The following PIBF1 variants were observed in gnomAD, a reference collection of about 807,000 sequenced individuals.
PIBF1 encodes the protein progesterone-induced-blocking factor 1.
A neutral mutation model predicts 112.5 loss-of-function variants in PIBF1; 90 were observed. The observed-to-expected ratio is 0.80, with a 90% CI of 0.67 to 0.95. The LOEUF is 0.95. PIBF1 is among the 40% of genes least tolerant of loss of function. The pLI, the probability that PIBF1 is intolerant of heterozygous loss-of-function variation, is 0.00. For missense variants in PIBF1, 915 were observed against 852.3 expected (o/e 1.07, Z -0.92); for synonymous variants, 301 against 288.6 (o/e 1.04, Z -0.44).
In PIBF1 at chr13:72,873,207, T is replaced by C. The variant is rs574949704; in HGVS notation, c.1322+19052T>C. 3.9e-5 allele frequency among the ~76,000 whole-genome samples: 6 copies of C among 152,266 alleles called. No individual in the cohort carries two copies. In the South Asian group the frequency reaches 1.2e-3, roughly 32 times the overall value. ...AAATGATAATCTTTTCAACAAATCT[T>C]GCTAAACCATTTAGATACCATATAC... On this transcript the variant is annotated intron_variant, in intron 10 of 17. Coordinates refer to ENST00000326291, the MANE Select transcript of PIBF1 (RefSeq NM_006346.4).
chr13:72,844,762 C>CTGTTT (rs375548034), intron 9 of PIBF1, among the ~76,000 whole-genome samples: 5 of 125,922 alleles, frequency 4.0e-5, no homozygotes, highest in Non-Finnish European at 1.7e-5. Flanking sequence ...CACACACACA[C>CTGTTT]ACACACACAC....
intron 9 of PIBF1, among the ~76,000 whole-genome samples, chr13:72,846,095 C>T (rs2037865851): frequency 6.6e-6 from 1 of 152,128 alleles, no homozygotes; most frequent in African/African-American, 2.4e-5. Flanking sequence ...ATCTTCTTGA[C>T]AACTTTTGCA....
At chr13:72,990,213 C>CA (rs34873893) in intron 16 of PIBF1, among the ~76,000 whole-genome samples, 2,494 of 51,938 alleles carry the variant, frequency 0.048, 70 homozygotes, top group African/African-American at 0.077. Context: ...GACTCTGTCT[C>CA]AAAAAAAAAA....
chr13:72,979,423 C>T (rs2043101109), intron 16 of PIBF1, among the ~76,000 whole-genome samples: 1 of 152,150 alleles, frequency 6.6e-6, no homozygotes, highest in African/African-American at 2.4e-5. Context: ...TATCTTTCAT[C>T]AGCCAAATGC....
chr13:72,881,809 A>T lies in PIBF1; in HGVS notation c.1323-11975A>T, dbSNP rs1255116695. On this transcript the variant is annotated intron_variant, in intron 10 of 17. Transcript: ENST00000326291. ...GAGAACATACAAAAGATGGAAAGAT[A>T]TATTCCATGTTCATGGATTGGAAGA... Among the ~76,000 whole-genome samples the T allele has an allele frequency of 2.0e-5, 3 of 152,148 alleles. No individual in the cohort carries two copies. In the East Asian group the frequency reaches 5.8e-4, roughly 29 times the overall value.
chr13:72,872,947 A>G (rs999691852), intron 10 of PIBF1, among the ~76,000 whole-genome samples: 11 of 152,136 alleles, frequency 7.2e-5, no homozygotes, highest in Admixed American at 2.0e-4. Flanking sequence ...AAAAACAAAA[A>G]CCTAAATAAG....
intron 11 of PIBF1, among the ~76,000 whole-genome samples, chr13:72,900,195 T>G (rs561608309): frequency 2.0e-5 from 3 of 152,074 alleles, no homozygotes; most frequent in South Asian, 4.2e-4. Flanking sequence ...ATCTACAAAT[T>G]TAATGCAACC....
intron 10 of PIBF1, among the ~76,000 whole-genome samples, chr13:72,857,703 A>G (rs1487037387): frequency 2.6e-5 from 4 of 152,088 alleles, no homozygotes; most frequent in African/African-American, 9.7e-5. Flanking sequence ...AGCCTGGCAT[A>G]GTGGCACGTG....
At chr13:72,822,727 T>C (rs903194081) in intron 6 of PIBF1, among the ~76,000 whole-genome samples, 11 of 152,262 alleles carry the variant, frequency 7.2e-5, no homozygotes, top group Admixed American at 2.0e-4. Context: ...TTAAATTGTG[T>C]AATTTAAATT....
In PIBF1 at chr13:72,835,976, G is replaced by T. The variant is rs1027164492; in HGVS notation, c.1223+608G>T. 3.1e-5 allele frequency: 10 copies of T among 321,388 alleles called. No homozygotes were observed. In the East Asian group the frequency reaches 8.7e-4, roughly 28 times the overall value. 19.9% of individuals were successfully genotyped at this position (321,388 alleles called of 1,614,324 possible). A position where few individuals can be genotyped will look rare whatever the true frequency, so the allele number is the denominator to read the frequency against. Reference sequence around the variant, plus strand: ...TAGCCAGGCATGGTGGCGGGCGCCTGTAATCCCAGCTACTCGGGAGGCTGA... The same window carrying T: ...TAGCCAGGCATGGTGGCGGGCGCCTTTAATCCCAGCTACTCGGGAGGCTGA... On this transcript the variant is annotated intron_variant, in intron 9 of 17. Transcript: ENST00000326291.
chr13:72,936,502 C>A (rs941405985), intron 14 of PIBF1, among the ~76,000 whole-genome samples: 1 of 152,082 alleles, frequency 6.6e-6, no homozygotes, highest in African/African-American at 2.4e-5. Context: ...GTCTGTGATT[C>A]ATTTTTAGTT....
intron 5 of PIBF1, among the ~76,000 whole-genome samples, chr13:72,812,124 G>A (rs565760507): frequency 7.2e-5 from 11 of 152,164 alleles, no homozygotes; most frequent in Non-Finnish European, 8.8e-5. Context: ...ATGATGGCAC[G>A]GGAAAACTCA....
intron 5 of PIBF1, among the ~76,000 whole-genome samples, chr13:72,812,089 A>C (rs2036050470): frequency 6.6e-6 from 1 of 152,118 alleles, no homozygotes; most frequent in Non-Finnish European, 1.5e-5. Context: ...TTTTGAACCC[A>C]GTGGCCAAAA....
intron 5 of PIBF1, among the ~76,000 whole-genome samples, chr13:72,821,117 C>T (rs2036539192): frequency 6.6e-6 from 1 of 152,094 alleles, no homozygotes; most frequent in Admixed American, 6.6e-5. Context: ...AGGTTAGAAG[C>T]AGCATTAGTG....
intron 5 of PIBF1, among the ~76,000 whole-genome samples, chr13:72,818,678 CTTTTTTTTT>C (rs3077726): frequency 1.2e-5 from 1 of 80,372 alleles, no homozygotes; most frequent in African/African-American, 5.1e-5. Flanking sequence ...CAGTCTTAAA[CTTTTTTTTT>C]TTTTTTTTTT....
At chr13:72,966,873 C>T (rs2042753932) in intron 15 of PIBF1, among the ~76,000 whole-genome samples, 1 of 151,964 alleles carries the variant, frequency 6.6e-6, no homozygotes, top group African/African-American at 2.4e-5. Flanking sequence ...CATTTCACTG[C>T]ACTCCAGCTT....
chr13:72,901,793 A>G (rs2040497906), intron 11 of PIBF1, among the ~76,000 whole-genome samples: 1 of 152,128 alleles, frequency 6.6e-6, no homozygotes, highest in African/African-American at 2.4e-5. Context: ...TATGGAAAAC[A>G]GTGTGGAAAT....
intron 5 of PIBF1, among the ~76,000 whole-genome samples, chr13:72,815,118 A>G (rs1022430088): frequency 6.6e-6 from 1 of 152,254 alleles, no homozygotes; most frequent in Non-Finnish European, 1.5e-5. Flanking sequence ...AGTTCTGAGA[A>G]AGAGACTACA....
intron 14 of PIBF1, among the ~76,000 whole-genome samples, chr13:72,934,975 C>T (rs76313794): frequency 2.7e-4 from 39 of 146,514 alleles, no homozygotes; most frequent in African/African-American, 1.0e-3. Flanking sequence ...GTTTGTTTGT[C>T]TGTCTGTTTG....
Sources: gnomAD v4.1 joint callset for allele counts (sites outside exome capture counted in the v4.1 genomes callset) on GRCh38, gnomAD v4.1.1 for gene constraint, MANE v1.5 for transcripts, NCBI Gene and HGNC (gene_info 2026-07-23, HGNC 2026-07-21) for gene names.